Variants in SLF1 observed in about 807,000 individuals in gnomAD.
SLF1 encodes SMC5/6 complex localization factor 1.
In SLF1, 105 loss-of-function variants were observed where a neutral mutation model predicts 123.0. The observed-to-expected ratio is 0.85, with a 90% CI of 0.73 to 1.00. The LOEUF (loss-of-function observed/expected upper bound fraction) is 1.00. SLF1 is among the 50% of genes least tolerant of loss of function. The pLI is 0.00. For missense variants in SLF1, 1,239 were observed against 1,223.0 expected, an observed-to-expected ratio of 1.01 and a Z score of -0.20; for synonymous variants, 434 against 406.6, an observed-to-expected ratio of 1.07 and a Z score of -0.81.
chr5:94,630,605 C>A lies in SLF1; in HGVS notation c.293C>A (p.Ser98Tyr). The stretch of plus-strand genomic sequence containing the variant: ...TGGGGATATAAAATTGAAAAAGATT[C>A]CCGTTATTCACCTCAAATGCAATCT... ...YEWGYKIEKD[S>Y]RYSPQMQSAP... The change falls in exon 4 of 21, where the codon TCC (serine) becomes TAC (tyrosine). Residue 98 changes from serine (S) to tyrosine (Y), a missense_variant. Transcript: ENST00000265140. The A allele has an allele frequency of 1.3e-6, 2 of 1,551,600 alleles. No individual in the cohort carries two copies. The highest frequency in any genetic ancestry group is 2.4e-5 in the South Asian group (2 of 84,050).
At chr5:94,651,613 G>T in intron 6 of SLF1, 89 bp from the exon 7 acceptor site, 3 of 1,062,878 alleles carry the variant, frequency 2.8e-6, no homozygotes, top group Non-Finnish European at 3.9e-6. Context: ...TATGTTCCTG[G>T]ATGGGTTTTT....
chr5:94,647,970 TTA>T (rs549653764), intron 5 of SLF1, among the ~76,000 whole-genome samples: 62 of 152,288 alleles, frequency 4.1e-4, no homozygotes, highest in African/African-American at 1.4e-3. Context: ...AGGAAACAGT[TTA>T]TTTCTTGCCT....
At position 94,682,004 on chromosome 5, in the gene SLF1, G is replaced by C. The variant is rs1001873776; in HGVS notation, c.1975+3049G>C. 7.9e-5 allele frequency among the ~76,000 whole-genome samples: 12 copies of C among 152,006 alleles called. No individual in the cohort carries two copies. The East Asian group carries it at 1.9e-3, about 24-fold the overall frequency. On this transcript the variant is annotated intron_variant, in intron 15 of 20. Coordinates refer to ENST00000265140, the MANE Select transcript of SLF1 (RefSeq NM_032290.4). ...AAATTTGAAGGCTAAGCAACCAACT[G>C]TGCGTGTGTGTGCATGTGTGTGTGT... is the stretch of plus-strand genomic sequence containing the variant.
At chr5:94,636,710 A>ATTTTTTTTTTTTTTTTTTTAT (rs1745827109) in intron 4 of SLF1, among the ~76,000 whole-genome samples, 1 of 75,464 alleles carries the variant, frequency 1.3e-5, no homozygotes, top group African/African-American at 6.0e-5. Flanking sequence ...TATTTTACTG[A>ATTTTTTTTTTTTTTTTTTTAT]TTTTTTTTTT....
chr5:94,631,547 A>C (rs75436315), intron 4 of SLF1, among the ~76,000 whole-genome samples: 6,428 of 152,278 alleles, frequency 0.042, 257 homozygotes, highest in East Asian at 0.21. Context: ...TCTCTAGTAC[A>C]GTATTATTAA....
chr5:94,640,432 T>C (rs375774355), intron 4 of SLF1, among the ~76,000 whole-genome samples: 1 of 152,194 alleles, frequency 6.6e-6, no homozygotes, highest in African/African-American at 2.4e-5. Context: ...TGGTTTTTAC[T>C]AGTTTGATTA....
At chr5:94,654,308 G>C (rs1383704486) in intron 8 of SLF1, among the ~76,000 whole-genome samples, 1 of 150,808 alleles carries the variant, frequency 6.6e-6, no homozygotes, top group South Asian at 2.1e-4. Flanking sequence ...CAAAAAAGCA[G>C]TTCCAGGAAC....
At chr5:94,645,609 A>G (rs1307641197) in intron 5 of SLF1, among the ~76,000 whole-genome samples, 1 of 152,244 alleles carries the variant, frequency 6.6e-6, no homozygotes, top group African/African-American at 2.4e-5. Context: ...AGTGCAACAT[A>G]TACCATGCAT....
At chr5:94,638,441 G>A (rs1746061722) in intron 4 of SLF1, among the ~76,000 whole-genome samples, 1 of 152,064 alleles carries the variant, frequency 6.6e-6, no homozygotes, top group Non-Finnish European at 1.5e-5. Flanking sequence ...GCCTCCCAAA[G>A]TGCTGGGATT....
chr5:94,621,315 T>C (rs1359562965), intron 1 of SLF1, among the ~76,000 whole-genome samples: 10 of 152,182 alleles, frequency 6.6e-5, no homozygotes, highest in African/African-American at 2.4e-4. Context: ...TTACTAGCTG[T>C]GTACCCTTGA....
At chr5:94,635,697 A>G (rs1276749690) in intron 4 of SLF1, among the ~76,000 whole-genome samples, 2 of 151,800 alleles carry the variant, frequency 1.3e-5, no homozygotes, top group African/African-American at 4.8e-5. Flanking sequence ...AACTCTACAC[A>G]TTTACTCTCC....
Position 94,649,609 on chromosome 5 carries a change from A to G in SLF1, c.738+12A>G, listed in dbSNP as rs1259390234. The G allele has an allele frequency of 5.5e-6, 8 of 1,445,294 alleles. No homozygotes were observed. Among genetic ancestry groups the G allele is most frequent in the Non-Finnish European group, 6.5e-6 (7 of 1,082,110 alleles). 89.5% of individuals were successfully genotyped at this position (1,445,294 alleles called of 1,614,324 possible). A position where few individuals can be genotyped will look rare whatever the true frequency, so the allele number is the denominator to read the frequency against. The stretch of plus-strand genomic sequence containing the variant: ...TGTATAGAACCCAGGTAAACTTTAT[A>G]GGCTGAAAAACATACATTTCTGATG... On this transcript the variant is annotated intron_variant, in intron 6 of 20. Transcript: ENST00000265140.
intron 5 of SLF1, among the ~76,000 whole-genome samples, chr5:94,648,940 G>A (rs1747376175): frequency 6.6e-6 from 1 of 152,190 alleles, no homozygotes; most frequent in South Asian, 2.1e-4. Flanking sequence ...GGGTTCCTTG[G>A]CAAGAGAAAT....
At chr5:94,635,383 A>G (rs1399867888) in intron 4 of SLF1, among the ~76,000 whole-genome samples, 1 of 59,854 alleles carries the variant, frequency 1.7e-5, no homozygotes, top group East Asian at 4.2e-4. Context: ...CTTTTTGACC[A>G]CTCTATGTCT....
chr5:94,639,663 C>T (rs1746225045), intron 4 of SLF1, among the ~76,000 whole-genome samples: 1 of 152,106 alleles, frequency 6.6e-6, no homozygotes. Flanking sequence ...TGACTGGAAG[C>T]CTTACTGATA....
chr5:94,625,123 G>A (rs1219167672), intron 1 of SLF1, among the ~76,000 whole-genome samples: 1 of 151,300 alleles, frequency 6.6e-6, no homozygotes, highest in Non-Finnish European at 1.5e-5. Flanking sequence ...AACCCGGGAG[G>A]CGGAGCTTGC....
At position 94,692,464 on chromosome 5, in the gene SLF1, A is replaced by T. The variant is rs190213909; in HGVS notation, c.2695+208A>T. On this transcript the variant is annotated intron_variant, in intron 20 of 20. Coordinates refer to ENST00000265140, the MANE Select transcript of SLF1 (RefSeq NM_032290.4). ...TCCTTTTCATAATGTATATTTGTTTATGTATATATTATTAAGCCTATTTAG... is the reference window on the plus strand; with the variant it reads ...TCCTTTTCATAATGTATATTTGTTTTTGTATATATTATTAAGCCTATTTAG... Among the ~76,000 whole-genome samples the T allele has an allele frequency of 1.2e-4, 18 of 152,202 alleles. No homozygotes were observed. In the East Asian group the frequency reaches 2.7e-3, roughly 23 times the overall value.
intron 8 of SLF1, 44 bp downstream of exon 8, chr5:94,653,465 G>T: frequency 6.9e-7 from 1 of 1,439,600 alleles, no homozygotes; most frequent in Non-Finnish European, 9.2e-7. Flanking sequence ...TTTATTTTTT[G>T]GCTGTTCTCT....
chr5:94,668,393 G>A (rs1750062408), intron 12 of SLF1, among the ~76,000 whole-genome samples: 1 of 151,876 alleles, frequency 6.6e-6, no homozygotes. Context: ...GAGTGCAGTG[G>A]TGCGATCTCG....
Sources: gnomAD v4.1 joint callset for allele counts (sites outside exome capture counted in the v4.1 genomes callset) on GRCh38, gnomAD v4.1.1 for gene constraint, MANE v1.5 for transcripts, NCBI Gene and HGNC (gene_info 2026-07-23, HGNC 2026-07-21) for gene names.